The following RNF11 variants were observed in gnomAD, a reference collection of about 807,000 sequenced individuals.
RNF11 encodes ring finger protein 11.
Under a neutral mutation model 15.8 loss-of-function variants are expected in RNF11, and 4 were observed. The observed-to-expected ratio is 0.25, with a 90% confidence interval of 0.12 to 0.58. RNF11 has a LOEUF of 0.58. Among genes scored for constraint, RNF11 ranks in the 20% least tolerant of loss-of-function variants. The pLI, the probability that RNF11 is intolerant of heterozygous loss-of-function variation, is 0.91. For missense variants in RNF11, 139 were observed against 194.4 expected (o/e 0.71, Z 1.70); for synonymous variants, 68 against 72.3 (o/e 0.94, Z 0.30).
rs1177943678 is a variant in RNF11 at position 51,255,562 on chromosome 1, T to C, written c.124-14394T>C. 2.0e-5 allele frequency among the ~76,000 whole-genome samples: 3 copies of C among 152,378 alleles called. No homozygotes were observed. In the East Asian group the frequency reaches 5.8e-4, roughly 29 times the overall value. On this transcript the variant is annotated intron_variant, in intron 1 of 2. Coordinates refer to ENST00000242719, the MANE Select transcript of RNF11 (RefSeq NM_014372.5). Reference sequence around the variant, plus strand: ...GTGGGCGACTGCACCCAGCTGTGTTTCACTTTCTTGCTGGTGTTTTTGGAA... The same window carrying C: ...GTGGGCGACTGCACCCAGCTGTGTTCCACTTTCTTGCTGGTGTTTTTGGAA...
chr1:51,237,003 G>A, intron 1 of RNF11, 124 bp downstream of exon 1: 1 of 1,281,926 alleles, frequency 7.8e-7, no homozygotes, highest in Non-Finnish European at 1.0e-6. Flanking sequence ...TGACCCCTTA[G>A]GGCTGGATCT....
intron 1 of RNF11, among the ~76,000 whole-genome samples, chr1:51,263,160 C>T (rs1646938535): frequency 6.6e-6 from 1 of 152,004 alleles, no homozygotes; most frequent in South Asian, 2.1e-4. Flanking sequence ...TTGCAGAGTT[C>T]CATTCATTGG....
At chr1:51,240,784 G>A (rs1646825900) in intron 1 of RNF11, among the ~76,000 whole-genome samples, 2 of 151,902 alleles carry the variant, frequency 1.3e-5, no homozygotes, top group Non-Finnish European at 2.9e-5. Context: ...GGGCCTCCCT[G>A]TGTTACCCAG....
At chr1:51,244,315 C>T (rs1219769568) in intron 1 of RNF11, among the ~76,000 whole-genome samples, 5 of 152,002 alleles carry the variant, frequency 3.3e-5, no homozygotes, top group Admixed American at 2.0e-4. Context: ...TGGCCTATCA[C>T]TTCTAATTTA....
At position 51,266,514 on chromosome 1, in the gene RNF11, A is replaced by AGT. The variant is rs558518304; in HGVS notation, c.124-3439_124-3438dup. Among the ~76,000 whole-genome samples, 15 of 151,046 alleles carry AGT rather than the reference A, an allele frequency of 9.9e-5. No homozygotes were observed. In the South Asian group the frequency reaches 1.7e-3, roughly 17 times the overall value. On this transcript the variant is annotated intron_variant, in intron 1 of 2. Transcript: ENST00000242719. ...TCTTTCACTTTGTCACCCAGTCTGG[A>AGT]GTGTAGTGGTGTGATCTCGTCTCAC...
intron 1 of RNF11, 151 bp from the exon 2 acceptor site, chr1:51,269,805 A>G (rs1179558711): frequency 1.9e-5 from 12 of 646,490 alleles, no homozygotes; most frequent in Non-Finnish European, 5.5e-6. Context: ...AGCTGAAGTT[A>G]AGGCAGGGTG....
chr1:51,240,002 T>C (rs897091858), intron 1 of RNF11, among the ~76,000 whole-genome samples: 3 of 152,216 alleles, frequency 2.0e-5, no homozygotes, highest in Non-Finnish European at 4.4e-5. Flanking sequence ...CATGGTTTCT[T>C]TTGTAGCCTC....
At chr1:51,239,979 G>T (rs1383056297) in intron 1 of RNF11, among the ~76,000 whole-genome samples, 2 of 152,170 alleles carry the variant, frequency 1.3e-5, no homozygotes. Flanking sequence ...TGTAGGAAGT[G>T]TATATTTCTT....
intron 1 of RNF11, among the ~76,000 whole-genome samples, chr1:51,262,839 T>C (rs1646937103): frequency 6.6e-6 from 1 of 151,212 alleles, no homozygotes; most frequent in South Asian, 2.1e-4. Context: ...AAGAAAATAC[T>C]TGTAAATCAT....
At chr1:51,249,606 T>G (rs1265030767) in intron 1 of RNF11, among the ~76,000 whole-genome samples, 2 of 152,018 alleles carry the variant, frequency 1.3e-5, no homozygotes, top group African/African-American at 4.8e-5. Context: ...CTAGCATTCT[T>G]TGTGAAATTT....
At chr1:51,243,484 G>A (rs147698018) in intron 1 of RNF11, among the ~76,000 whole-genome samples, 4 of 152,020 alleles carry the variant, frequency 2.6e-5, no homozygotes, top group African/African-American at 9.7e-5. Context: ...TGTTGCCCAG[G>A]CTGGAGTGCA....
intron 1 of RNF11, among the ~76,000 whole-genome samples, chr1:51,246,519 G>A (rs1019289433): frequency 6.6e-6 from 1 of 151,984 alleles, no homozygotes; most frequent in Non-Finnish European, 1.5e-5. Context: ...ATAATGAGCT[G>A]TGATGGCACC....
chr1:51,270,723 G>A (rs1199136300), intron 2 of RNF11, among the ~76,000 whole-genome samples: 2 of 152,172 alleles, frequency 1.3e-5, no homozygotes, highest in Non-Finnish European at 2.9e-5. Context: ...CCCGAAGTTA[G>A]TGTTTCTGTT....
chr1:51,246,629 G>A (rs1291114461), intron 1 of RNF11, among the ~76,000 whole-genome samples: 1 of 152,188 alleles, frequency 6.6e-6, no homozygotes, highest in African/African-American at 2.4e-5. Context: ...GGCTGAGGCG[G>A]GAGGATTGCT....
At chr1:51,237,533 A>T (rs914145706) in intron 1 of RNF11, among the ~76,000 whole-genome samples, 1 of 151,414 alleles carries the variant, frequency 6.6e-6, no homozygotes, top group African/African-American at 2.4e-5. Flanking sequence ...TGCTGACTTA[A>T]GAAAACTTGA....
chr1:51,254,996 C>T (rs573308025), intron 1 of RNF11, among the ~76,000 whole-genome samples: 14 of 152,280 alleles, frequency 9.2e-5, no homozygotes, highest in African/African-American at 3.4e-4. Context: ...GAATAGAATA[C>T]TTGCATAGAA....
chr1:51,263,395 A>G (rs1557682033), intron 1 of RNF11, among the ~76,000 whole-genome samples: 1 of 152,206 alleles, frequency 6.6e-6, no homozygotes, highest in African/African-American at 2.4e-5. Flanking sequence ...ACAAAAGACC[A>G]CATATTAGTA....
At chr1:51,246,190 A>G (rs1233039857) in intron 1 of RNF11, among the ~76,000 whole-genome samples, 16 of 152,010 alleles carry the variant, frequency 1.1e-4, no homozygotes. Context: ...TCTTGAACCC[A>G]GGAGGTGGAG....
At position 51,236,815 on chromosome 1, in the gene RNF11, A is replaced by G; in HGVS notation, c.59A>G (p.Gln20Arg). The change falls in exon 1 of 3, where the codon CAG becomes CGG. Residue 20 changes from glutamine to arginine, a missense_variant. By Grantham distance (43) the Gln-to-Arg change is conservative. Coordinates refer to ENST00000242719, the MANE Select transcript of RNF11 (RefSeq NM_014372.5). ...GACATCTCCCTGCTTCACGAGTCTC[A>G]GTCCGACCGGGCTAGCTTTGGCGAG... The part of the protein sequence containing the change: ...SDDISLLHES[Q>R]SDRASFGEGT... The G allele has an allele frequency of 6.2e-7, 1 of 1,612,938 alleles. No individual in the cohort carries two copies. Among genetic ancestry groups the G allele is most frequent in the South Asian group, 1.1e-5 (1 of 90,966 alleles).
Sources: gnomAD v4.1 joint callset for allele counts (sites outside exome capture counted in the v4.1 genomes callset) on GRCh38, gnomAD v4.1.1 for gene constraint, MANE v1.5 for transcripts, NCBI Gene and HGNC (gene_info 2026-07-23, HGNC 2026-07-21) for gene names.